Variants in FXR1 observed in about 807,000 individuals in gnomAD.
The protein encoded by FXR1 is RNA-binding protein FXR1.
A neutral mutation model predicts 84.0 loss-of-function variants in FXR1; 15 were observed. The observed-to-expected ratio is 0.18, with a 90% CI of 0.12 to 0.27. The LOEUF is 0.27. Among genes scored for constraint, FXR1 ranks in the 10% least tolerant of loss-of-function variants. The pLI is 1.00. For missense variants in FXR1, 480 were observed against 774.4 expected (o/e 0.62, Z 4.51); for synonymous variants, 245 against 250.7 (o/e 0.98, Z 0.21).
chr3:180,915,410 G>A (rs543014878), intron 1 of FXR1: 17 of 785,104 alleles, frequency 2.2e-5, no homozygotes, highest in Middle Eastern at 6.8e-4. Flanking sequence ...AGAACGTTAC[G>A]TATATAGAAT....
chr3:180,960,548 C>A (rs898923932), intron 10 of FXR1, among the ~76,000 whole-genome samples: 8 of 152,188 alleles, frequency 5.3e-5, no homozygotes, highest in Non-Finnish European at 1.2e-4. Flanking sequence ...TCACTGCAAT[C>A]TCTGCCTCCC....
rs72192827 is a variant in FXR1, at chr3:180,926,506, A to ATATTT, written c.52-6827_52-6826insATTTT. Among the ~76,000 whole-genome samples, 400 of 124,272 alleles carry ATATTT rather than the reference A, an allele frequency of 3.2e-3. 1 individual carries two copies. Among genetic ancestry groups the ATATTT allele is most frequent in the African/African-American group, 0.01 (360 of 34,350 alleles). The allele number at this position is 124,272 out of a possible 152,430, so 81.5% of individuals were successfully genotyped here. On this transcript the variant is annotated intron_variant, in intron 1 of 16. Transcript: ENST00000357559. Reference sequence around the variant, plus strand: ...TATATATATATATATATATATATATATTTTTTTTTCTGGCCTTTTGTTGGC... The same window carrying ATATTT: ...TATATATATATATATATATATATATATATTTTTTTTTTTTCTGGCCTTTTGTTGGC...
At chr3:180,926,743 A>G (rs951144608) in intron 1 of FXR1, among the ~76,000 whole-genome samples, 14 of 151,982 alleles carry the variant, frequency 9.2e-5, no homozygotes, top group East Asian at 3.9e-4. Context: ...TTACTCCTTT[A>G]TAAAGTTTGT....
At chr3:180,961,369 GTGT>G (rs1712090688) in intron 10 of FXR1, 96 bp from the exon 11 acceptor site, 1 of 77,168 alleles carries the variant, frequency 1.3e-5, no homozygotes, top group Non-Finnish European at 2.2e-5. Flanking sequence ...AAAAAAAAAG[GTGT>G]GTGTGTGTGT....
intron 1 of FXR1, chr3:180,927,525 G>T: frequency 1.8e-6 from 1 of 546,762 alleles, no homozygotes; most frequent in Admixed American, 3.7e-5. Context: ...TAGCCTATAG[G>T]ATTTTTTTTC....
intron 1 of FXR1, among the ~76,000 whole-genome samples, chr3:180,920,154 A>T (rs1431402012): frequency 6.6e-6 from 1 of 152,160 alleles, no homozygotes; most frequent in Non-Finnish European, 1.5e-5. Flanking sequence ...GGAGCCTCAG[A>T]GGCTCCTGAA....
At chr3:180,925,501 C>T (rs995375119) in intron 1 of FXR1, among the ~76,000 whole-genome samples, 1 of 152,152 alleles carries the variant, frequency 6.6e-6, no homozygotes, top group South Asian at 2.1e-4. Flanking sequence ...TAAGAAACCG[C>T]GGTCATTCCT....
chr3:180,960,612 T>C (rs974395747), intron 10 of FXR1, among the ~76,000 whole-genome samples: 5 of 152,024 alleles, frequency 3.3e-5, no homozygotes, highest in African/African-American at 1.2e-4. Context: ...ACTACAGGCA[T>C]GTGCTACCCT....
rs1469781331 is a variant in FXR1 at position 180,980,205 on chromosome 3, T to G, written c.*3913T>G. The G allele has an allele frequency of 6.6e-6, 1 of 151,998 alleles. No individual in the cohort carries two copies. The highest frequency in any genetic ancestry group is 1.5e-5 in the Non-Finnish European group (1 of 67,928). 9.4% of individuals were successfully genotyped at this position (151,998 alleles called of 1,614,324 possible). ...TATTCTCATAAGGAGTATGCTGAAT[T>G]TAAGTGGTGTTTGTTTTACATATGT... is the stretch of plus-strand genomic sequence containing the variant. On this transcript the variant is annotated 3_prime_UTR_variant, in exon 17 of 17. Transcript: ENST00000357559.
At chr3:180,950,598 C>T (rs768344965) in intron 7 of FXR1, among the ~76,000 whole-genome samples, 1 of 152,214 alleles carries the variant, frequency 6.6e-6, no homozygotes, top group South Asian at 2.1e-4. Flanking sequence ...TACATCTCAT[C>T]TTGTAAAACT....
At chr3:180,920,983 C>T (rs1472307283) in intron 1 of FXR1, among the ~76,000 whole-genome samples, 1 of 152,098 alleles carries the variant, frequency 6.6e-6, no homozygotes, top group African/African-American at 2.4e-5. Flanking sequence ...CCTCATTGTC[C>T]TTTTTCTTTT....
chr3:180,939,210 A>G (rs1241737435), intron 3 of FXR1, among the ~76,000 whole-genome samples: 1 of 152,060 alleles, frequency 6.6e-6, no homozygotes, highest in African/African-American at 2.4e-5. Context: ...ACATTTTTAA[A>G]TTATGTTTTC....
chr3:180,957,693 A>T, intron 9 of FXR1, 126 bp from the exon 10 acceptor site: 1 of 553,610 alleles, frequency 1.8e-6, no homozygotes, highest in Non-Finnish European at 3.3e-6. Flanking sequence ...AATTGATAGT[A>T]AAAAGATGGG....
chr3:180,934,425 T>C (rs1465801826), intron 2 of FXR1, among the ~76,000 whole-genome samples: 1 of 152,222 alleles, frequency 6.6e-6, no homozygotes, highest in Non-Finnish European at 1.5e-5. Flanking sequence ...GGAATAATTT[T>C]TTACTTTATA....
intron 3 of FXR1, among the ~76,000 whole-genome samples, chr3:180,944,652 A>G (rs879466236): frequency 2.0e-5 from 3 of 151,848 alleles, no homozygotes; most frequent in Non-Finnish European, 4.4e-5. Flanking sequence ...AAAGGCCATT[A>G]TTGACTCCAT....
rs1433391587 is a variant in FXR1, at chr3:180,980,743, A to C, written c.*4451A>C. ...AGGAATAATAGGTGACACAGGATAGAAGCTCTTCCTATATATATCTTGTTG... is the reference window on the plus strand; with the variant it reads ...AGGAATAATAGGTGACACAGGATAGCAGCTCTTCCTATATATATCTTGTTG... On this transcript the variant is annotated 3_prime_UTR_variant, in exon 17 of 17. Transcript: ENST00000357559. The C allele has an allele frequency of 1.3e-5, 2 of 152,060 alleles. No homozygotes were observed. The highest frequency in any genetic ancestry group is 6.6e-5 in the Admixed American group (1 of 15,250). The allele number at this position is 152,060 out of a possible 1,614,324, so 9.4% of individuals were successfully genotyped here. A position where few individuals can be genotyped will look rare whatever the true frequency, so the allele number is the denominator to read the frequency against.
intron 9 of FXR1, chr3:180,957,602 A>G (rs138089591): frequency 2.4e-4 from 99 of 414,774 alleles, no homozygotes; most frequent in African/African-American, 1.9e-3. Flanking sequence ...TGTCAGTCCC[A>G]GTTAGTAACC....
intron 1 of FXR1, among the ~76,000 whole-genome samples, chr3:180,926,495 TATATATATATA>T (rs1560164759): frequency 3.6e-5 from 4 of 109,624 alleles, no homozygotes; most frequent in African/African-American, 9.0e-5. Flanking sequence ...TATATATATA[TATATATATATA>T]TTTTTTTTTC....
intron 3 of FXR1, among the ~76,000 whole-genome samples, chr3:180,945,351 G>A (rs1461677521): frequency 5.3e-5 from 8 of 152,080 alleles, no homozygotes; most frequent in Non-Finnish European, 8.8e-5. Context: ...TTCCACTTAC[G>A]AAGTACATTT....
Sources: allele counts gnomAD v4.1 joint callset (sites outside exome capture counted in the v4.1 genomes callset), GRCh38; gene constraint gnomAD v4.1.1; transcripts MANE v1.5; gene names NCBI Gene and HGNC (gene_info 2026-07-23, HGNC 2026-07-21).